Variants in CNTN4 observed in about 807,000 individuals in gnomAD.
The protein encoded by CNTN4 is contactin-4.
A neutral mutation model predicts 122.5 loss-of-function variants in CNTN4; 77 were observed. That is an observed-to-expected ratio of 0.63 (90% CI 0.52 to 0.76). The LOEUF is 0.76. Ranked by LOEUF, CNTN4 falls within the 30% of genes least tolerant of loss-of-function variation. CNTN4 has a pLI of 0.00. For missense variants in CNTN4, 1,256 were observed against 1,259.1 expected (o/e 1.00, Z 0.04); for synonymous variants, 512 against 447.0 (o/e 1.15, Z -1.83).
chr3:2,332,747 A>G lies in CNTN4; in HGVS notation c.-144-6431A>G, dbSNP rs9868762. 6.6e-3 allele frequency among the ~76,000 whole-genome samples: 604 copies of G among 92,070 alleles called. 4 individuals are homozygous for G. Among genetic ancestry groups the G allele is most frequent in the African/African-American group, 0.024 (562 of 23,612 alleles). 60.4% of individuals were successfully genotyped at this position (92,070 alleles called of 152,430 possible). ...GGGGTGGGGGGAGTGGGGAGGGGGG[A>G]GGGATAGCTTTAGGAGATATACCTA... On this transcript the variant is annotated intron_variant, in intron 2 of 24. Transcript: ENST00000418658.
intron 3 of CNTN4, among the ~76,000 whole-genome samples, chr3:2,563,394 A>G (rs537366722): frequency 2.4e-4 from 36 of 152,336 alleles, no homozygotes; most frequent in East Asian, 2.1e-3. Flanking sequence ...ATTGTTGTTT[A>G]CCTTCAAGGT....
intron 2 of CNTN4, among the ~76,000 whole-genome samples, chr3:2,168,430 A>G (rs1380698453): frequency 6.6e-6 from 1 of 152,148 alleles, no homozygotes; most frequent in Non-Finnish European, 1.5e-5. Flanking sequence ...ATAATTATTC[A>G]GGATTCTAAT....
intron 3 of CNTN4, among the ~76,000 whole-genome samples, chr3:2,569,900 A>G (rs915679369): frequency 4.6e-5 from 7 of 152,098 alleles, no homozygotes; most frequent in Non-Finnish European, 1.5e-5. Flanking sequence ...TTGCAATTAT[A>G]TGAAATTCTC....
At chr3:2,777,401 G>T (rs780066234) in intron 6 of CNTN4, among the ~76,000 whole-genome samples, 1 of 152,148 alleles carries the variant, frequency 6.6e-6, no homozygotes, top group Non-Finnish European at 1.5e-5. Flanking sequence ...GAGTGTGTTT[G>T]TAGGCTCTAT....
At chr3:2,840,363 C>T (rs1409909607) in intron 7 of CNTN4, among the ~76,000 whole-genome samples, 2 of 151,870 alleles carry the variant, frequency 1.3e-5, no homozygotes, top group African/African-American at 4.8e-5. Flanking sequence ...TCCTGCTTGC[C>T]CTTCTCCTCC....
chr3:2,621,125 G>T (rs2081972041), intron 4 of CNTN4, among the ~76,000 whole-genome samples: 1 of 150,170 alleles, frequency 6.7e-6, no homozygotes, highest in South Asian at 2.1e-4. Context: ...TGGCATGTTC[G>T]TGGACACATA....
At chr3:2,313,046 A>G (rs920491496) in intron 2 of CNTN4, among the ~76,000 whole-genome samples, 8 of 152,096 alleles carry the variant, frequency 5.3e-5, no homozygotes, top group Non-Finnish European at 1.0e-4. Flanking sequence ...AAATGAAGTA[A>G]TGTTCAACTT....
At chr3:2,561,073 A>T (rs896003191) in intron 3 of CNTN4, among the ~76,000 whole-genome samples, 2 of 152,132 alleles carry the variant, frequency 1.3e-5, no homozygotes, top group African/African-American at 4.8e-5. Flanking sequence ...TTACTTCCCC[A>T]CTAAGTGTAT....
In CNTN4 at chr3:2,786,256, A is replaced by T. The variant is rs376133910; in HGVS notation, c.359-33230A>T. Reference sequence around the variant, plus strand: ...GAGTGCAGGTGCAAGAGGCTGTCACACTGACCCTCCACTGAGTTGTTTTAA... The same window carrying T: ...GAGTGCAGGTGCAAGAGGCTGTCACTCTGACCCTCCACTGAGTTGTTTTAA... On this transcript the variant is annotated intron_variant, in intron 6 of 24. Transcript: ENST00000418658. Among the ~76,000 whole-genome samples the T allele has an allele frequency of 9.9e-5, 15 of 152,244 alleles. No individual in the cohort carries two copies. In the East Asian group the frequency reaches 1.2e-3, roughly 12 times the overall value.
intron 4 of CNTN4, among the ~76,000 whole-genome samples, chr3:2,600,708 A>G (rs193158830): frequency 3.6e-4 from 55 of 152,326 alleles, no homozygotes; most frequent in African/African-American, 1.2e-3. Context: ...TCCTTTGGGT[A>G]TATACCCAGT....
chr3:2,188,055 A>G (rs1040509749), intron 2 of CNTN4, among the ~76,000 whole-genome samples: 12 of 152,260 alleles, frequency 7.9e-5, no homozygotes, highest in Middle Eastern at 3.4e-3. Context: ...AAGTGCCTGG[A>G]TCAAGGAAGG....
At chr3:2,342,158 G>A (rs1396290602) in intron 3 of CNTN4, among the ~76,000 whole-genome samples, 3 of 152,122 alleles carry the variant, frequency 2.0e-5, no homozygotes, top group Admixed American at 2.0e-4. Flanking sequence ...ATTCCTGCAT[G>A]TAATATTTGA....
intron 12 of CNTN4, among the ~76,000 whole-genome samples, chr3:2,906,559 C>G (rs921286250): frequency 6.6e-6 from 1 of 151,894 alleles, no homozygotes; most frequent in Non-Finnish European, 1.5e-5. Context: ...AGATGGTGGC[C>G]GGGCACGGTG....
Position 2,816,295 on chromosome 3 carries a change from A to G in CNTN4, c.359-3191A>G, listed in dbSNP as rs969501000. On this transcript the variant is annotated intron_variant, in intron 6 of 24. Coordinates refer to ENST00000418658, the MANE Select transcript of CNTN4 (RefSeq NM_175607.3). ...CGTGAACCCAGGAGGCAGAGCTTGC[A>G]ATGAGCCGAGATCGTGGCACTGCAC... Among the ~76,000 whole-genome samples, 38 of 149,198 alleles carry G rather than the reference A, an allele frequency of 2.5e-4. 5 individuals are homozygous for G. Among genetic ancestry groups the G allele is most frequent in the African/African-American group, 9.0e-4 (35 of 38,742 alleles).
At chr3:2,903,512 G>T (rs946577319) in intron 12 of CNTN4, among the ~76,000 whole-genome samples, 2 of 152,042 alleles carry the variant, frequency 1.3e-5, no homozygotes, top group Non-Finnish European at 2.9e-5. Flanking sequence ...TTTCTGTTCT[G>T]CATACTCACC....
At chr3:2,710,552 A>G (rs569330610) in intron 4 of CNTN4, among the ~76,000 whole-genome samples, 12 of 152,318 alleles carry the variant, frequency 7.9e-5, no homozygotes, top group Admixed American at 3.3e-4. Context: ...CAGATAAAAG[A>G]CAAGTGTTAA....
chr3:2,142,868 G>T (rs2727920), intron 2 of CNTN4, among the ~76,000 whole-genome samples: 2 of 152,030 alleles, frequency 1.3e-5, no homozygotes, highest in African/African-American at 4.8e-5. Context: ...GAATTTCCAC[G>T]TAACTTTCAA....
At chr3:2,272,768 A>T (rs1263585935) in intron 2 of CNTN4, among the ~76,000 whole-genome samples, 4 of 151,362 alleles carry the variant, frequency 2.6e-5, no homozygotes, top group Non-Finnish European at 5.9e-5. Context: ...TTTCTCATTT[A>T]TTGGAAGGAG....
rs1010045651 is a variant in CNTN4, at chr3:2,705,308, C to T, written c.56-30907C>T. Among the ~76,000 whole-genome samples the T allele has an allele frequency of 6.4e-5, 9 of 140,894 alleles. No homozygotes were observed. In the East Asian group the frequency reaches 1.9e-3, roughly 30 times the overall value. The allele number at this position is 140,894 out of a possible 152,430, so 92.4% of individuals were successfully genotyped here. A position where few individuals can be genotyped will look rare whatever the true frequency, so the allele number is the denominator to read the frequency against. On this transcript the variant is annotated intron_variant, in intron 4 of 24. Transcript: ENST00000418658. Reference sequence around the variant, plus strand: ...GCGGGAACCTAGGAGGCAGAGCTTGCAGTGAGCCGAGATTGTGCCACTGCA... The same window carrying T: ...GCGGGAACCTAGGAGGCAGAGCTTGTAGTGAGCCGAGATTGTGCCACTGCA...
Sources: gnomAD v4.1 joint callset for allele counts (sites outside exome capture counted in the v4.1 genomes callset) on GRCh38, gnomAD v4.1.1 for gene constraint, MANE v1.5 for transcripts, NCBI Gene and HGNC (gene_info 2026-07-23, HGNC 2026-07-21) for gene names.